The following BPIFB2 variants were observed in gnomAD, a reference collection of about 807,000 sequenced individuals.
The protein encoded by BPIFB2 is BPI fold-containing family B member 2.
A neutral mutation model predicts 50.1 loss-of-function variants in BPIFB2; 39 were observed. The ratio of observed to expected loss-of-function variants is 0.78; its 90% CI spans 0.60 to 1.02. The LOEUF is 1.02. Ranked by LOEUF, BPIFB2 falls within the 50% of genes least tolerant of loss-of-function variation. The pLI, the probability that BPIFB2 is intolerant of heterozygous loss-of-function variation, is 0.00. For synonymous variants in BPIFB2, 280 were observed against 256.3 expected (o/e 1.09, Z -0.88); for missense variants, 574 against 585.8 (o/e 0.98, Z 0.21).
At chr20:33,015,845 C>T (rs987967669) in intron 6 of BPIFB2, among the ~76,000 whole-genome samples, 1 of 152,030 alleles carries the variant, frequency 6.6e-6, no homozygotes, top group African/African-American at 2.4e-5. Context: ...GGGCATGGGG[C>T]CACCTGTGGC....
At chr20:33,017,506 C>A (rs1341339612) in intron 7 of BPIFB2, among the ~76,000 whole-genome samples, 2 of 152,192 alleles carry the variant, frequency 1.3e-5, no homozygotes, top group Non-Finnish European at 2.9e-5. Context: ...GAGCCACCAC[C>A]CCTGGCCTCG....
rs34128772 is a variant in BPIFB2 at position 33,011,102 on chromosome 20, C to A, written c.188C>A (p.Ala63Glu). The A allele has an allele frequency of 1.2e-5, 19 of 1,613,564 alleles. No homozygotes were observed. The Admixed American group carries it at 2.8e-4, about 24-fold the overall frequency. Residue 63 changes from alanine to glutamate, a missense_variant, in exon 3 of 16, where the codon GCG becomes GAG. By Grantham distance (107) the Ala-to-Glu change is moderately radical. Coordinates refer to ENST00000170150, the MANE Select transcript of BPIFB2 (RefSeq NM_025227.3). The part of the protein sequence containing the change: ...VPHFLDWSGE[A>E]LQPTRIRILN... ...CATTTCCTGGACTGGAGTGGAGAGG[C>A]GCTTCAGCCCACCAGGTGAGTGCTC...
At chr20:33,021,202 T>C (rs1978653166) in intron 13 of BPIFB2, 79 bp from the exon 14 acceptor site, 9 of 1,455,092 alleles carry the variant, frequency 6.2e-6, no homozygotes, top group Non-Finnish European at 8.6e-6. Context: ...TCTGTGTATA[T>C]TTATGTATGT....
rs200699864 is a variant in BPIFB2 at position 33,015,614 on chromosome 20, G to A, written c.516+118G>A. ...TGCTTGGGATTAAAAAAAAAAAAAAGACGCCCCTTCATGGTCCCCATGAAG... is the reference window on the plus strand; with the variant it reads ...TGCTTGGGATTAAAAAAAAAAAAAAAACGCCCCTTCATGGTCCCCATGAAG... On this transcript the variant is annotated intron_variant, in intron 6 of 15. Coordinates refer to ENST00000170150, the MANE Select transcript of BPIFB2 (RefSeq NM_025227.3). 8 of 680,882 alleles carry A rather than the reference G, an allele frequency of 1.2e-5. No homozygotes were observed. In the African/African-American group the frequency reaches 1.4e-4, roughly 12 times the overall value. The allele number at this position is 680,882 out of a possible 1,614,324, so 42.2% of individuals were successfully genotyped here.
In BPIFB2 at chr20:33,021,331, G is replaced by A; in HGVS notation, c.1245G>A (p.Leu415=). The A allele has an allele frequency of 1.2e-6, 2 of 1,613,580 alleles. No individual in the cohort carries two copies. The highest frequency in any genetic ancestry group is 1.1e-5 in the South Asian group (1 of 90,882). Residue 415 remains leucine, a synonymous_variant, in exon 14 of 16, where the codon CTG becomes CTA. Transcript: ENST00000170150. ...GCACCGTTTTTGAGAAGCCCCTGCT[G>A]GACCATCTCAATGGTAAGCCCTGCC... ...LMGTVFEKPL[L]DHLNALLAMG...
chr20:33,014,891 C>T (rs1978359304), intron 5 of BPIFB2, among the ~76,000 whole-genome samples: 1 of 152,248 alleles, frequency 6.6e-6, no homozygotes, highest in East Asian at 1.9e-4. Flanking sequence ...CACCCTCCCA[C>T]CTCCCCCCCA....
chr20:33,021,453 A>T (rs1386725939), intron 14 of BPIFB2, 109 bp downstream of exon 14: 37 of 1,278,956 alleles, frequency 2.9e-5, no homozygotes, highest in Admixed American at 4.0e-5. Context: ...TCACAGGGTG[A>T]GAGGGGGCCT....
chr20:33,008,455 T>A, intron 1 of BPIFB2, 86 bp from the exon 2 acceptor site: 1 of 712,248 alleles, frequency 1.4e-6, no homozygotes, highest in Non-Finnish European at 2.3e-6. Flanking sequence ...CAGTCAGGGC[T>A]TGTTCCCTCC....
intron 4 of BPIFB2, among the ~76,000 whole-genome samples, 190 bp from the exon 5 acceptor site, chr20:33,013,620 C>A (rs891781992): frequency 2.0e-5 from 3 of 152,216 alleles, no homozygotes; most frequent in Non-Finnish European, 4.4e-5. Context: ...ACGTCTATGA[C>A]CCCAAGTGGA....
intron 5 of BPIFB2, 112 bp from the exon 6 acceptor site, chr20:33,015,319 ATTGAT>A (rs748789549): frequency 2.3e-6 from 2 of 861,030 alleles, no homozygotes; most frequent in Non-Finnish European, 3.6e-6. Flanking sequence ...ATCGAATGGA[ATTGAT>A]TGGCCTCCTG....
intron 15 of BPIFB2, 102 bp downstream of exon 15, chr20:33,021,901 A>G: frequency 8.6e-7 from 1 of 1,158,616 alleles, no homozygotes; most frequent in South Asian, 1.3e-5. Flanking sequence ...TGCCAAAACC[A>G]TGCCATGAAT....
chr20:33,012,856 G>T lies in BPIFB2; in HGVS notation c.257G>T (p.Gly86Val). Residue 86 changes from glycine to valine, a missense_variant, in exon 4 of 16, where the codon GGT (glycine) becomes GTT (valine). By Grantham distance (109) the Gly-to-Val change is moderately radical (BLOSUM62 -3). Transcript: ENST00000170150. The stretch of plus-strand genomic sequence containing the variant: ...CGCCTCCACCTGAAATTCATTGCTG[G>T]TTTCGGAGTGCGCCTGCTGGCAGCA... ...VPRLHLKFIA[G>V]FGVRLLAAAN... 1.2e-6 allele frequency: 2 copies of T among 1,614,128 alleles called. No individual in the cohort carries two copies. Among genetic ancestry groups the T allele is most frequent in the South Asian group, 2.2e-5 (2 of 91,076 alleles).
chr20:33,019,195 G>A (rs1473149967), intron 10 of BPIFB2, 80 bp downstream of exon 10: 1 of 1,545,760 alleles, frequency 6.5e-7, no homozygotes, highest in Non-Finnish European at 8.9e-7. Flanking sequence ...GATCTCTGCT[G>A]GCTCTTATCT....
chr20:33,009,346 G>C lies in BPIFB2; in HGVS notation c.109+663G>C, dbSNP rs565708550. On this transcript the variant is annotated intron_variant, in intron 2 of 15. Coordinates refer to ENST00000170150, the MANE Select transcript of BPIFB2 (RefSeq NM_025227.3). The surrounding 1 kb of genome is among the most constrained non-coding windows in gnomAD (Gnocchi z 4.2). ...CAATGAAGAAACTTAGCCCCAGGGA[G>C]GGACAGACATTGCCAAGGTCCAGGA... is the stretch of plus-strand genomic sequence containing the variant. 2.0e-5 allele frequency among the ~76,000 whole-genome samples: 3 copies of C among 152,302 alleles called. No homozygotes were observed. Among genetic ancestry groups the C allele is most frequent in the Admixed American group, 2.0e-4 (3 of 15,300 alleles).
Position 33,011,008 on chromosome 20 carries a change from T to G in BPIFB2, c.110-16T>G, listed in dbSNP as rs1990278026. 1.2e-6 allele frequency: 2 copies of G among 1,611,960 alleles called. No individual in the cohort carries two copies. The highest frequency in any genetic ancestry group is 4.5e-5 in the East Asian group (2 of 44,824). Reference sequence around the variant, plus strand: ...TCCCGAGGGCACCCTGACCTCACTCTACCCTGGCCCCACAGTGTCTGAAAT... The same window carrying G: ...TCCCGAGGGCACCCTGACCTCACTCGACCCTGGCCCCACAGTGTCTGAAAT... On this transcript the variant is annotated splice_polypyrimidine_tract_variant and intron_variant, in intron 2 of 15. Transcript: ENST00000170150.
In BPIFB2 at chr20:33,011,265, A is replaced by G; in HGVS notation, c.203+148A>G. 4 of 691,920 alleles carry G rather than the reference A, an allele frequency of 5.8e-6. No individual in the cohort carries two copies. The East Asian group carries it at 1.1e-4, about 19-fold the overall frequency. The allele number at this position is 691,920 out of a possible 1,614,324, so 42.9% of individuals were successfully genotyped here. A position where few individuals can be genotyped will look rare whatever the true frequency, so the allele number is the denominator to read the frequency against. ...ACGGGGCAAAGTGTTCCAGTCCACC[A>G]GATGAGCACTCTCCACTGAAGGTGA... On this transcript the variant is annotated intron_variant, in intron 3 of 15. Coordinates refer to ENST00000170150, the MANE Select transcript of BPIFB2 (RefSeq NM_025227.3).
rs775132706 is a variant in BPIFB2, at chr20:33,013,849, G to C, written c.348G>C (p.Leu116=). Residue 116 remains leucine (L), a synonymous_variant, in exon 5 of 16, where the codon CTG becomes CTC. Coordinates refer to ENST00000170150, the MANE Select transcript of BPIFB2 (RefSeq NM_025227.3). The stretch of plus-strand genomic sequence containing the variant: ...TGGAGCTGACGCTGCCTGTGGAACT[G>C]CTGGCTGACACCCGCGTGACCCAGA... ...EPLELTLPVE[L]LADTRVTQSS... The C allele has an allele frequency of 4.3e-6, 7 of 1,613,740 alleles. No individual in the cohort carries two copies. The African/African-American group carries it at 9.3e-5, about 22-fold the overall frequency.
rs1375544474 is a variant in BPIFB2, at chr20:33,019,473, A to G, written c.910-107A>G. ...AGAGGGGGGACCCACCTCTGTGCCC[A>G]GTCACATACAGCGCCATGGTGGCCC... On this transcript the variant is annotated intron_variant, in intron 10 of 15. Transcript: ENST00000170150. 5 of 1,263,768 alleles carry G rather than the reference A, an allele frequency of 4.0e-6. No individual in the cohort carries two copies. In the Admixed American group the frequency reaches 1.1e-4, roughly 28 times the overall value. The allele number at this position is 1,263,768 out of a possible 1,614,324, so 78.3% of individuals were successfully genotyped here. A position where few individuals can be genotyped will look rare whatever the true frequency, so the allele number is the denominator to read the frequency against.
In BPIFB2 at chr20:33,019,612, G is replaced by A; in HGVS notation, c.942G>A (p.Val314=). The A allele has an allele frequency of 6.2e-7, 1 of 1,606,886 alleles. No individual in the cohort carries two copies. The highest frequency in any genetic ancestry group is 1.3e-5 in the African/African-American group (1 of 74,894). The change falls in exon 11 of 16, where the codon GTG becomes GTA. Residue 314 remains valine (V), a synonymous_variant. Transcript: ENST00000170150. ...GCCAGTTTCCCGAGCCCATGCCTGTGGTGCTCAAGGTGCGGCTGGGTGCCA... is the reference window on the plus strand; with the variant it reads ...GCCAGTTTCCCGAGCCCATGCCTGTAGTGCTCAAGGTGCGGCTGGGTGCCA... The part of the protein sequence containing the change: ...VARQFPEPMP[V]VLKVRLGATP...
Sources: gnomAD v4.1 joint callset for allele counts (sites outside exome capture counted in the v4.1 genomes callset) on GRCh38, gnomAD v4.1.1 for gene constraint, Gnocchi (gnomAD v3.1) non-coding constraint, MANE v1.5 for transcripts, NCBI Gene and HGNC (gene_info 2026-07-23, HGNC 2026-07-21) for gene names.